The following INTS14 variants were observed in gnomAD, a reference collection of about 807,000 sequenced individuals.
INTS14 encodes the protein UPF0464 protein C15orf44.
INTS14 carries 27 observed loss-of-function variants against 56.9 expected under a neutral mutation model. That is an observed-to-expected ratio of 0.47 (90% confidence interval 0.35 to 0.65). The LOEUF (loss-of-function observed/expected upper bound fraction) is 0.65, where lower values mean the gene tolerates loss of function less well. Ranked by LOEUF, INTS14 falls within the 30% of genes least tolerant of loss-of-function variation. The probability of loss-of-function intolerance (pLI) is 0.00; values close to 1 mark genes in which losing one functional copy is unlikely to be tolerated. For synonymous variants in INTS14, 207 were observed against 236.2 expected, an observed-to-expected ratio of 0.88 and a Z score of 1.13; for missense variants, 517 against 632.2, an observed-to-expected ratio of 0.82 and a Z score of 1.95.
rs902684547 is a variant in INTS14, at chr15:65,607,394, C to G, written c.-14G>C. 1.6e-5 allele frequency: 26 copies of G among 1,613,878 alleles called. No individual in the cohort carries two copies. Among genetic ancestry groups the G allele is most frequent in the Admixed American group, 8.3e-5 (5 of 59,980 alleles). On this transcript the variant is annotated 5_prime_UTR_variant, in exon 2 of 12. Coordinates refer to ENST00000313182, the MANE Select transcript of INTS14 (RefSeq NM_001394796.1). ...CACTGTCGGCATGATGAAAATGATC[C>G]CAGTGTTCCCAATCAGAATGCAAAC...
intron 11 of INTS14, among the ~76,000 whole-genome samples, chr15:65,581,073 A>C (rs2072588983): frequency 6.6e-6 from 1 of 151,704 alleles, no homozygotes; most frequent in Admixed American, 6.6e-5. Context: ...GCGAAACCCC[A>C]TCTCTACTGA....
Position 65,591,663 on chromosome 15 carries a change from A to G in INTS14, c.1055T>C (p.Leu352Pro). The G allele has an allele frequency of 6.2e-7, 1 of 1,614,230 alleles. No individual in the cohort carries two copies. The highest frequency in any genetic ancestry group is 8.5e-7 in the Non-Finnish European group (1 of 1,180,024). ...SKKKSNLMMS[L>P]FEPGPEPLPW... Reference sequence around the variant, plus strand: ...GAGAGGTTCTGGGCCAGGCTCAAAGAGAGACATCATGAGGTTTGATTTCTT... The same window carrying G: ...GAGAGGTTCTGGGCCAGGCTCAAAGGGAGACATCATGAGGTTTGATTTCTT... Residue 352 changes from leucine to proline, a missense_variant, in exon 9 of 12, where the codon CTC becomes CCC. Coordinates refer to ENST00000313182, the MANE Select transcript of INTS14 (RefSeq NM_001394796.1).
intron 10 of INTS14, among the ~76,000 whole-genome samples, chr15:65,584,232 G>C (rs1334633669): frequency 6.6e-6 from 1 of 152,126 alleles, no homozygotes; most frequent in Non-Finnish European, 1.5e-5. Context: ...TCCTATGGAA[G>C]TGTTTTTGTG....
Position 65,595,973 on chromosome 15 carries a change from T to C in INTS14, c.749-148A>G, listed in dbSNP as rs996215536. Reference sequence around the variant, plus strand: ...TATTAGATTTGTATATGGAGTCGTCTAATAATTTGCATTTTAAGCTGCTCA... The same window carrying C: ...TATTAGATTTGTATATGGAGTCGTCCAATAATTTGCATTTTAAGCTGCTCA... On this transcript the variant is annotated intron_variant, in intron 6 of 11. Transcript: ENST00000313182. 3 of 584,646 alleles carry C rather than the reference T, an allele frequency of 5.1e-6. No individual in the cohort carries two copies. The African/African-American group carries it at 5.9e-5, about 11-fold the overall frequency. The allele number at this position is 584,646 out of a possible 1,614,324, so 36.2% of individuals were successfully genotyped here.
chr15:65,602,667 G>T (rs1286612483), intron 3 of INTS14, among the ~76,000 whole-genome samples: 4 of 143,092 alleles, frequency 2.8e-5, no homozygotes, highest in Admixed American at 7.0e-5. Context: ...CTACTACAAT[G>T]TTTTTTTTTT....
chr15:65,601,010 G>A (rs1436423753), intron 3 of INTS14, among the ~76,000 whole-genome samples: 1 of 152,036 alleles, frequency 6.6e-6, no homozygotes, highest in African/African-American at 2.4e-5. Flanking sequence ...TGTGCTCCTA[G>A]GAAGTACCAG....
At chr15:65,580,322 A>C (rs11635626) in intron 11 of INTS14, among the ~76,000 whole-genome samples, 31,449 of 152,082 alleles carry the variant, frequency 0.21, 3,618 homozygotes, top group African/African-American at 0.3. Flanking sequence ...TTTGAGCTCT[A>C]ATATGTAGCA....
At position 65,598,330 on chromosome 15, in the gene INTS14, T is replaced by C. The variant is rs777159240; in HGVS notation, c.739A>G (p.Ile247Val). 1 of 1,612,844 alleles carries C rather than the reference T, an allele frequency of 6.2e-7. No individual in the cohort carries two copies. Among genetic ancestry groups the C allele is most frequent in the Non-Finnish European group, 8.5e-7 (1 of 1,179,598 alleles). ...TTTTTTAAAAAGTTACCTGTGTTAA[T>C]GACTTTAGGGATAGGATCAATTTCT... ...DEEIDPIPKV[I>V]NTDLEIVGFI... The change falls in exon 6 of 12, where the codon ATT becomes GTT. Residue 247 changes from isoleucine to valine, a missense_variant. Physicochemically the swap from Ile to Val is conservative, Grantham distance 29. Transcript: ENST00000313182.
intron 10 of INTS14, 79 bp downstream of exon 10, chr15:65,584,691 G>T: frequency 8.0e-7 from 1 of 1,248,346 alleles, no homozygotes; most frequent in Non-Finnish European, 1.1e-6. Flanking sequence ...CAAAGGAAAA[G>T]AAAATCAAAT....
intron 1 of INTS14, among the ~76,000 whole-genome samples, chr15:65,608,394 T>C (rs2073734454): frequency 6.9e-6 from 1 of 144,464 alleles, no homozygotes; most frequent in African/African-American, 2.6e-5. Flanking sequence ...AAAAAATTTA[T>C]ACAGCTGGAA....
intron 5 of INTS14, 151 bp from the exon 6 acceptor site, chr15:65,598,614 G>A: frequency 2.2e-6 from 2 of 928,906 alleles, no homozygotes; most frequent in South Asian, 2.0e-5. Context: ...CATTTTTGGT[G>A]AGGAAATTTC....
chr15:65,592,309 T>C (rs1268121413), intron 8 of INTS14, among the ~76,000 whole-genome samples: 6 of 152,242 alleles, frequency 3.9e-5, no homozygotes, highest in Non-Finnish European at 7.3e-5. Context: ...AATGGAGCCA[T>C]GCTTCCTTTA....
chr15:65,579,980 G>A (rs1383449190), intron 11 of INTS14, among the ~76,000 whole-genome samples: 2 of 152,192 alleles, frequency 1.3e-5, no homozygotes, highest in Non-Finnish European at 2.9e-5. Context: ...TTAAGGAGGA[G>A]TACTTTTCCC....
At chr15:65,584,614 T>C (rs1050277896) in intron 10 of INTS14, among the ~76,000 whole-genome samples, 156 bp downstream of exon 10, 4 of 152,232 alleles carry the variant, frequency 2.6e-5, no homozygotes, top group African/African-American at 9.6e-5. Context: ...CATGTTTTAC[T>C]GTAGGGCATC....
Position 65,579,098 on chromosome 15 carries a change from C to A in INTS14, c.*310G>T. 1 of 233,146 alleles carries A rather than the reference C, an allele frequency of 4.3e-6. No homozygotes were observed. Among genetic ancestry groups the A allele is most frequent in the Non-Finnish European group, 8.3e-6 (1 of 120,324 alleles). The allele number at this position is 233,146 out of a possible 1,614,324, so 14.4% of individuals were successfully genotyped here. A position where few individuals can be genotyped will look rare whatever the true frequency, so the allele number is the denominator to read the frequency against. On this transcript the variant is annotated 3_prime_UTR_variant, in exon 12 of 12. Transcript: ENST00000313182. ...CAGAGAGCCCCTGCCGGTCAGGTTT[C>A]CTGAGGAAGGCAGGGGTGCTCTATG... is the stretch of plus-strand genomic sequence containing the variant.
chr15:65,591,749 G>A lies in INTS14; in HGVS notation c.987-18C>T, dbSNP rs753322997. Reference sequence around the variant, plus strand: ...ATTCAGGACTAGATGGAGAGAAGACGGAAGATCAGAAGAACATCAAGCCTG... The same window carrying A: ...ATTCAGGACTAGATGGAGAGAAGACAGAAGATCAGAAGAACATCAAGCCTG... On this transcript the variant is annotated intron_variant, in intron 8 of 11. Coordinates refer to ENST00000313182, the MANE Select transcript of INTS14 (RefSeq NM_001394796.1). The A allele has an allele frequency of 9.9e-6, 16 of 1,612,560 alleles. No homozygotes were observed. The highest frequency in any genetic ancestry group is 1.7e-4 in the Middle Eastern group (1 of 6,056).
rs1470050831 is a variant in INTS14 at position 65,607,283 on chromosome 15, T to C, written c.98A>G (p.His33Arg). 1.2e-6 allele frequency: 2 copies of C among 1,614,060 alleles called. No homozygotes were observed. Among genetic ancestry groups the C allele is most frequent in the South Asian group, 1.1e-5 (1 of 91,090 alleles). ...EEYQRKHLAA[H>R]GLTMLFEHMA... Reference sequence around the variant, plus strand: ...GTGCTCAAACAGCATCGTTAAACCATGGGCTGCTAGGTGCTTACGCTGGTA... The same window carrying C: ...GTGCTCAAACAGCATCGTTAAACCACGGGCTGCTAGGTGCTTACGCTGGTA... Residue 33 changes from histidine to arginine, a missense_variant, in exon 2 of 12, where the codon CAT (histidine) becomes CGT (arginine). By Grantham distance (29) the His-to-Arg change is conservative. Transcript: ENST00000313182.
chr15:65,591,417 A>G (rs1177982663), intron 9 of INTS14, among the ~76,000 whole-genome samples, 181 bp downstream of exon 9: 1 of 152,168 alleles, frequency 6.6e-6, no homozygotes, highest in East Asian at 1.9e-4. Context: ...CTGAGCTGTA[A>G]AATTTAGGAG....
chr15:65,605,755 T>C (rs1005388127), intron 2 of INTS14, among the ~76,000 whole-genome samples: 6 of 152,218 alleles, frequency 3.9e-5, no homozygotes, highest in African/African-American at 1.4e-4. Flanking sequence ...ACTTCAGGGC[T>C]CCTGGTCTAA....
Sources: gnomAD v4.1 joint callset for allele counts (sites outside exome capture counted in the v4.1 genomes callset) on GRCh38, gnomAD v4.1.1 for gene constraint, MANE v1.5 for transcripts, NCBI Gene and HGNC (gene_info 2026-07-23, HGNC 2026-07-21) for gene names.